Variants in KLHL1 observed in about 807,000 individuals in gnomAD.
The protein encoded by KLHL1 is kelch-like protein 1.
In KLHL1, 47 loss-of-function variants were observed where a neutral mutation model predicts 77.7. The ratio of observed to expected loss-of-function variants is 0.60; its 90% CI spans 0.48 to 0.77. The LOEUF is 0.77. KLHL1 is among the 30% of genes least tolerant of loss of function. KLHL1 has a pLI of 0.00. For synonymous variants in KLHL1, 360 were observed against 325.2 expected, an observed-to-expected ratio of 1.11 and a Z score of -1.15; for missense variants, 925 against 910.8, an observed-to-expected ratio of 1.02 and a Z score of -0.20.
At chr13:69,815,613 T>G (rs768284888) in intron 6 of KLHL1, among the ~76,000 whole-genome samples, 26 of 152,128 alleles carry the variant, frequency 1.7e-4, no homozygotes, top group Non-Finnish European at 3.2e-4. Flanking sequence ...GGTACTATGT[T>G]TACTCTTTGG....
At chr13:69,814,538 T>TA (rs906513188) in intron 6 of KLHL1, among the ~76,000 whole-genome samples, 27 of 151,712 alleles carry the variant, frequency 1.8e-4, no homozygotes, top group African/African-American at 4.8e-4. Flanking sequence ...TTAAGACACT[T>TA]AAAAAAAATC....
intron 1 of KLHL1, among the ~76,000 whole-genome samples, chr13:70,019,782 G>T (rs1045055684): frequency 2.0e-5 from 3 of 152,038 alleles, no homozygotes; most frequent in African/African-American, 7.2e-5. Flanking sequence ...CGATTTAAAT[G>T]GTGTTATGTT....
At position 69,740,397 on chromosome 13, in the gene KLHL1, C is replaced by A. The variant is rs758702901; in HGVS notation, c.1799G>T (p.Gly600Val). 1.3e-6 allele frequency: 2 copies of A among 1,536,642 alleles called. No homozygotes were observed. Among genetic ancestry groups the A allele is most frequent in the Non-Finnish European group, 1.8e-6 (2 of 1,134,878 alleles). Residue 600 changes from glycine (G) to valine (V), a missense_variant, in exon 8 of 11, where the codon GGC (glycine) becomes GTC (valine). Gly to Val is a moderately radical substitution (Grantham distance 109). Transcript: ENST00000377844. ...RSTVGVAALN[G>V]KLYSVGGRDG... ...AATAAGAAAAAAATTTACTTACTTG[C>A]CATTCAATGCTGCTACACCAACTGT...
At chr13:70,089,483 G>C (rs943897735) in intron 1 of KLHL1, among the ~76,000 whole-genome samples, 1 of 152,088 alleles carries the variant, frequency 6.6e-6, no homozygotes, top group African/African-American at 2.4e-5. Context: ...TATTGGCAAT[G>C]ACATCAAATA....
rs573991641 is a variant in KLHL1 at position 69,939,438 on chromosome 13, A to AT, written c.1014+601dup. Reference sequence around the variant, plus strand: ...AGGGAAAAATATAAAATAGGCTTCAATTTTTTCCATAAAATCATACTGGCA... The same window carrying AT: ...AGGGAAAAATATAAAATAGGCTTCAATTTTTTTCCATAAAATCATACTGGCA... On this transcript the variant is annotated intron_variant, in intron 4 of 10. Transcript: ENST00000377844. Among the ~76,000 whole-genome samples the AT allele has an allele frequency of 4.7e-3, 694 of 147,698 alleles. 6 individuals are homozygous for AT. The highest frequency in any genetic ancestry group is 0.016 in the South Asian group (76 of 4,654).
chr13:69,807,922 G>A (rs1877684365), intron 6 of KLHL1, among the ~76,000 whole-genome samples: 1 of 152,102 alleles, frequency 6.6e-6, no homozygotes, highest in Admixed American at 6.6e-5. Flanking sequence ...GGTCACTTGG[G>A]GGACAGTGCT....
At chr13:70,095,597 T>G (rs556025206) in intron 1 of KLHL1, among the ~76,000 whole-genome samples, 1 of 152,298 alleles carries the variant, frequency 6.6e-6, no homozygotes, top group African/African-American at 2.4e-5. Flanking sequence ...TATGATACTT[T>G]AATACAAGCA....
At chr13:69,975,497 C>A (rs545677058) in intron 2 of KLHL1, 123 bp downstream of exon 2, 176 of 796,880 alleles carry the variant, frequency 2.2e-4, no homozygotes, top group Non-Finnish European at 2.7e-4. Flanking sequence ...ACAACAACAA[C>A]AAAAAACTTA....
intron 6 of KLHL1, among the ~76,000 whole-genome samples, chr13:69,833,764 T>C (rs184723193): frequency 5.4e-5 from 8 of 148,258 alleles, no homozygotes; most frequent in East Asian, 2.0e-4. Flanking sequence ...TATATATATA[T>C]ATACATACAT....
intron 1 of KLHL1, among the ~76,000 whole-genome samples, chr13:70,083,972 T>C (rs1281957953): frequency 1.3e-5 from 2 of 152,090 alleles, no homozygotes; most frequent in African/African-American, 4.8e-5. Flanking sequence ...AAAAACCCTT[T>C]TATATACACT....
At chr13:69,981,397 T>G (rs1884701440) in intron 1 of KLHL1, among the ~76,000 whole-genome samples, 1 of 152,044 alleles carries the variant, frequency 6.6e-6, no homozygotes, top group Admixed American at 6.6e-5. Context: ...TTTTTTTTTC[T>G]AAGTGATAAG....
chr13:69,852,259 C>T (rs758561914), intron 5 of KLHL1, among the ~76,000 whole-genome samples: 1 of 152,032 alleles, frequency 6.6e-6, no homozygotes, highest in Non-Finnish European at 1.5e-5. Context: ...AGGTAATGGC[C>T]TCACGTCTGT....
At chr13:69,776,746 T>C (rs895940616) in intron 7 of KLHL1, among the ~76,000 whole-genome samples, 1 of 152,178 alleles carries the variant, frequency 6.6e-6, no homozygotes, top group African/African-American at 2.4e-5. Flanking sequence ...AACAAAAGCA[T>C]GCAATAAATT....
At chr13:70,089,824 A>G (rs1887631489) in intron 1 of KLHL1, among the ~76,000 whole-genome samples, 1 of 152,156 alleles carries the variant, frequency 6.6e-6, no homozygotes, top group African/African-American at 2.4e-5. Flanking sequence ...AACAAGTCAT[A>G]TTTCTACTTC....
chr13:69,884,672 C>T (rs1030204935), intron 4 of KLHL1, among the ~76,000 whole-genome samples: 2 of 152,108 alleles, frequency 1.3e-5, no homozygotes, highest in East Asian at 3.9e-4. Flanking sequence ...ATAGTGTCCT[C>T]TTTATGGTGA....
intron 4 of KLHL1, 118 bp downstream of exon 4, chr13:69,939,922 G>A: frequency 1.5e-6 from 1 of 663,406 alleles, no homozygotes. Context: ...AAAAAAATGT[G>A]CCAAGCATAG....
intron 2 of KLHL1, among the ~76,000 whole-genome samples, chr13:69,961,761 C>T (rs578225601): frequency 3.3e-5 from 5 of 151,964 alleles, no homozygotes; most frequent in Middle Eastern, 3.4e-3. Context: ...TGCTAACTTT[C>T]CCCCCTAAAC....
At chr13:69,868,135 A>G (rs1219571252) in intron 5 of KLHL1, among the ~76,000 whole-genome samples, 2 of 152,156 alleles carry the variant, frequency 1.3e-5, no homozygotes, top group Admixed American at 1.3e-4. Flanking sequence ...GACTTTGGGT[A>G]ATTTAACTAA....
chr13:69,758,107 A>C (rs576316982), intron 7 of KLHL1, among the ~76,000 whole-genome samples: 1 of 152,196 alleles, frequency 6.6e-6, no homozygotes, highest in Non-Finnish European at 1.5e-5. Flanking sequence ...ACGATCAAAA[A>C]ATCTGAGATA....
Sources: allele counts gnomAD v4.1 joint callset (sites outside exome capture counted in the v4.1 genomes callset), GRCh38; gene constraint gnomAD v4.1.1; transcripts MANE v1.5; gene names NCBI Gene and HGNC (gene_info 2026-07-23, HGNC 2026-07-21).